The following ZFAT variants were observed in gnomAD, a reference collection of about 807,000 sequenced individuals.
The protein encoded by ZFAT is zinc finger protein ZFAT.
ZFAT carries 64 observed loss-of-function variants against 117.7 expected under a neutral mutation model. That is an observed-to-expected ratio of 0.54 (90% CI 0.44 to 0.67). ZFAT has a LOEUF of 0.67. Ranked by LOEUF, ZFAT falls within the 30% of genes least tolerant of loss-of-function variation. The pLI is 0.00. For synonymous variants in ZFAT, 679 were observed against 615.0 expected, an observed-to-expected ratio of 1.10 and a Z score of -1.54; for missense variants, 1,433 against 1,584.5, an observed-to-expected ratio of 0.90 and a Z score of 1.62.
intron 1 of ZFAT, among the ~76,000 whole-genome samples, chr8:134,693,768 T>C (rs1833697390): frequency 6.6e-6 from 1 of 152,116 alleles, no homozygotes; most frequent in Admixed American, 6.5e-5. Flanking sequence ...AGAAAGTCCT[T>C]GGAGTGAGGA....
chr8:134,702,648 C>A (rs1834042859), intron 1 of ZFAT, among the ~76,000 whole-genome samples: 1 of 151,944 alleles, frequency 6.6e-6, no homozygotes, highest in Non-Finnish European at 1.5e-5. Context: ...AACTGTGAGT[C>A]CACCAAATCT....
chr8:134,660,797 A>G (rs1386807963), intron 1 of ZFAT, among the ~76,000 whole-genome samples: 1 of 152,248 alleles, frequency 6.6e-6, no homozygotes, highest in Non-Finnish European at 1.5e-5. Context: ...CTGCCCAGAG[A>G]TTACATAAAT....
intron 11 of ZFAT, among the ~76,000 whole-genome samples, chr8:134,539,595 G>A (rs1427395721): frequency 1.3e-5 from 2 of 152,234 alleles, no homozygotes; most frequent in African/African-American, 2.4e-5. Flanking sequence ...GATACAGACA[G>A]AGATAGACAT....
rs1289690755 is a variant in ZFAT at position 134,490,118 on chromosome 8, G to A, written c.3493-11397C>T. Among the ~76,000 whole-genome samples the A allele has an allele frequency of 2.6e-5, 4 of 152,280 alleles. No individual in the cohort carries two copies. In the East Asian group the frequency reaches 5.8e-4, roughly 22 times the overall value. On this transcript the variant is annotated intron_variant, in intron 15 of 15. Transcript: ENST00000377838. ...GGTGTGACCACAAGAGCCCTTAAGCGACTTCTTAGTTATGTGGAACAGCAT... is the reference window on the plus strand; with the variant it reads ...GGTGTGACCACAAGAGCCCTTAAGCAACTTCTTAGTTATGTGGAACAGCAT...
intron 15 of ZFAT, among the ~76,000 whole-genome samples, chr8:134,484,478 G>A (rs2130050854): frequency 1.3e-5 from 2 of 152,326 alleles, no homozygotes; most frequent in Middle Eastern, 3.4e-3. Flanking sequence ...TGAAAGTAGG[G>A]AAGACGGTGC....
intron 14 of ZFAT, chr8:134,510,919 AC>A (rs1447335713): frequency 6.6e-6 from 1 of 151,996 alleles, no homozygotes; most frequent in African/African-American, 2.4e-5. Context: ...CAATTAGGAA[AC>A]AGTGCAGAAA....
chr8:134,775,878 A>G, the ZFAT span, among the ~76,000 whole-genome samples: 1 of 152,212 alleles, frequency 6.6e-6, no homozygotes, highest in African/African-American at 2.4e-5. Context: ...TCTCTATAGA[A>G]TAAAGACATA....
the ZFAT span, among the ~76,000 whole-genome samples, chr8:134,802,799 T>G: frequency 6.6e-6 from 1 of 152,214 alleles, no homozygotes; most frequent in African/African-American, 2.4e-5. Flanking sequence ...AACACTAAGT[T>G]AAGGGCTAGG....
chr8:134,704,804 GA>G (rs1170451212), intron 1 of ZFAT, among the ~76,000 whole-genome samples: 1 of 151,348 alleles, frequency 6.6e-6, no homozygotes, highest in South Asian at 2.1e-4. Context: ...CCACGTGCAA[GA>G]AAAAAACATT....
At chr8:134,747,760 A>C in the ZFAT span, among the ~76,000 whole-genome samples, 1 of 151,980 alleles carries the variant, frequency 6.6e-6, no homozygotes, top group African/African-American at 2.4e-5. Flanking sequence ...CCCTTTTTTT[A>C]CAGCCCTGTA....
At chr8:134,711,784 C>A (rs1303404551) in intron 1 of ZFAT, among the ~76,000 whole-genome samples, 1 of 152,188 alleles carries the variant, frequency 6.6e-6, no homozygotes, top group Non-Finnish European at 1.5e-5. Context: ...CTGCTCTTTA[C>A]CCCTGCCTGG....
intron 2 of ZFAT, among the ~76,000 whole-genome samples, chr8:134,652,983 T>G (rs1831338182): frequency 1.3e-5 from 2 of 152,070 alleles, no homozygotes. Flanking sequence ...ACATTATTTA[T>G]AATAGCACAA....
intron 1 of ZFAT, among the ~76,000 whole-genome samples, chr8:134,695,438 C>A (rs1022003200): frequency 2.0e-5 from 3 of 151,934 alleles, no homozygotes; most frequent in Non-Finnish European, 4.4e-5. Flanking sequence ...GAGGCGACAC[C>A]CTCCAGGCCC....
intron 15 of ZFAT, among the ~76,000 whole-genome samples, chr8:134,494,840 T>C (rs553301207): frequency 2.6e-5 from 4 of 152,194 alleles, no homozygotes; most frequent in Non-Finnish European, 5.9e-5. Context: ...AAAAAGAAAC[T>C]ATCTCTTCTT....
At chr8:134,541,799 TGCC>T (rs1163097694) in intron 11 of ZFAT, among the ~76,000 whole-genome samples, 1 of 152,262 alleles carries the variant, frequency 6.6e-6, no homozygotes, top group Non-Finnish European at 1.5e-5. Context: ...CAAATCATGC[TGCC>T]ATTTCTTTCC....
the ZFAT span, among the ~76,000 whole-genome samples, chr8:134,769,992 G>T: frequency 6.6e-6 from 1 of 152,168 alleles, no homozygotes; most frequent in Non-Finnish European, 1.5e-5. Flanking sequence ...TGGCACACAG[G>T]ACAGGTACCC....
intron 10 of ZFAT, among the ~76,000 whole-genome samples, chr8:134,572,734 C>T (rs1825015550): frequency 6.6e-6 from 1 of 152,096 alleles, no homozygotes; most frequent in African/African-American, 2.4e-5. Flanking sequence ...TGAGTCATAC[C>T]ACTTTTTGGA....
At chr8:134,738,212 AC>A in the ZFAT span, among the ~76,000 whole-genome samples, 1 of 152,100 alleles carries the variant, frequency 6.6e-6, no homozygotes, top group Non-Finnish European at 1.5e-5. Flanking sequence ...ACATCACAGG[AC>A]TCAAGTTTCC....
At chr8:134,695,805 C>A (rs1342938877) in intron 1 of ZFAT, among the ~76,000 whole-genome samples, 1 of 149,984 alleles carries the variant, frequency 6.7e-6, no homozygotes, top group African/African-American at 2.5e-5. Flanking sequence ...AGCACCGCCC[C>A]CCAGGCCCTG....
Sources: gnomAD v4.1 joint callset for allele counts (sites outside exome capture counted in the v4.1 genomes callset) on GRCh38, gnomAD v4.1.1 for gene constraint, MANE v1.5 for transcripts, NCBI Gene and HGNC (gene_info 2026-07-23, HGNC 2026-07-21) for gene names.